Variants in IVD observed in about 807,000 individuals in gnomAD.
IVD encodes the protein isovaleryl-CoA dehydrogenase.
IVD carries 31 observed loss-of-function variants against 51.3 expected under a neutral mutation model. The observed-to-expected ratio is 0.60, with a 90% CI of 0.45 to 0.81. IVD has a LOEUF of 0.81. Ranked by LOEUF, IVD falls within the 40% of genes least tolerant of loss-of-function variation. IVD has a pLI of 0.00. For synonymous variants in IVD, 205 were observed against 219.4 expected, an observed-to-expected ratio of 0.93 and a Z score of 0.58; for missense variants, 475 against 552.0, an observed-to-expected ratio of 0.86 and a Z score of 1.40.
At chr15:40,435,837 C>T (rs12368), downstream of IVD, 124,320 of 450,962 alleles carry the variant, frequency 0.28, 18,951 homozygotes, top group East Asian at 0.76. Flanking sequence ...TTAGCCCCTT[C>T]TTGGAACGTC....
In IVD at chr15:40,418,157, C is replaced by T; in HGVS notation, c.1166C>T (p.Pro389Leu). ...FGGNGYINDF[P>L]MGRFLRDAKL... ...GGCAATGGCTACATCAATGACTTTC[C>T]CATGGGCCGCTTTCTTCGAGATGCC... is the stretch of plus-strand genomic sequence containing the variant. The change falls in exon 12 of 12, where the codon CCC becomes CTC. Residue 389 changes from proline (P) to leucine (L), a missense_variant. Pro to Leu is a moderately conservative substitution (Grantham distance 98, BLOSUM62 -3). Coordinates refer to ENST00000487418, the MANE Select transcript of IVD (RefSeq NM_002225.5). The T allele has an allele frequency of 6.2e-7, 1 of 1,614,190 alleles. No individual in the cohort carries two copies. The highest frequency in any genetic ancestry group is 8.5e-7 in the Non-Finnish European group (1 of 1,180,032).
chr15:40,417,327 G>T (rs900584555), intron 11 of IVD, among the ~76,000 whole-genome samples: 1 of 151,782 alleles, frequency 6.6e-6, no homozygotes, highest in Non-Finnish European at 1.5e-5. Flanking sequence ...GACCAACGTG[G>T]TGAAACCCCA....
At chr15:40,410,607 C>T (rs1312396143) in intron 3 of IVD, 21 bp from the exon 4 acceptor site, 2 of 1,614,022 alleles carry the variant, frequency 1.2e-6, no homozygotes, top group Non-Finnish European at 1.7e-6. Flanking sequence ...TTTCCACTCC[C>T]TTGTACCACA....
At chr15:40,415,351 C>T (rs1891545292) in intron 8 of IVD, 50 bp from the exon 9 acceptor site, 1 of 1,487,954 alleles carries the variant, frequency 6.7e-7, no homozygotes, top group African/African-American at 1.4e-5. Context: ...GCCACCACAC[C>T]CGGTGGTGGG....
chr15:40,435,392 TAA>T (rs1463497361), intron 8 of IVD: 1 of 1,102,964 alleles, frequency 9.1e-7, no homozygotes, highest in African/African-American at 1.7e-5. Flanking sequence ...TGGACAGCGC[TAA>T]AAGAGGGCTC....
chr15:40,415,304 C>A, intron 8 of IVD, 97 bp from the exon 9 acceptor site: 1 of 1,099,500 alleles, frequency 9.1e-7, no homozygotes, highest in East Asian at 2.4e-5. Context: ...TTGCTTTTCT[C>A]CTCCCTGGGA....
chr15:40,417,023 A>T (rs1000020682), intron 11 of IVD, among the ~76,000 whole-genome samples: 2 of 151,828 alleles, frequency 1.3e-5, no homozygotes, highest in Non-Finnish European at 2.9e-5. Flanking sequence ...AACATGGTGA[A>T]ACCCTGTTTC....
At chr15:40,414,601 C>T (rs1891446678) in intron 7 of IVD, 2 of 389,448 alleles carry the variant, frequency 5.1e-6, no homozygotes, top group South Asian at 4.3e-5. Context: ...GACCAATTAA[C>T]TTTTCTTCTT....
At chr15:40,422,845 C>T (rs994326887), downstream of IVD, among the ~76,000 whole-genome samples, 1 of 146,362 alleles carries the variant, frequency 6.8e-6, no homozygotes, top group Non-Finnish European at 1.5e-5. Flanking sequence ...ATTGATCCAC[C>T]GGCCTCAGCC....
intron 8 of IVD, among the ~76,000 whole-genome samples, chr15:40,434,395 T>C (rs1452424108): frequency 1.3e-5 from 2 of 152,048 alleles, no homozygotes; most frequent in African/African-American, 2.4e-5. Flanking sequence ...AGGGGAGAGG[T>C]AGAGGGCTGT....
chr15:40,416,304 G>T lies in IVD; in HGVS notation c.1080G>T (p.Val360=), dbSNP rs754375800. 5.6e-6 allele frequency: 9 copies of T among 1,614,248 alleles called. No homozygotes were observed. The highest frequency in any genetic ancestry group is 7.6e-6 in the Non-Finnish European group (9 of 1,180,042). ...TCCTCCCGTAGGACTGTGCAGGTGT[G>T]ATTCTTTACTCAGCTGAGTGTGCCA... ...GHCTAKDCAG[V]ILYSAECATQ... Residue 360 remains valine (V), a synonymous_variant, in exon 11 of 12, where the codon GTG becomes GTT. Transcript: ENST00000487418.
At chr15:40,427,403 T>C (rs2141418063), downstream of IVD, among the ~76,000 whole-genome samples, 1 of 152,316 alleles carries the variant, frequency 6.6e-6, no homozygotes, top group South Asian at 2.1e-4. Context: ...ACGCAGCTGC[T>C]TGTGGGAGAT....
rs8040294 is a variant in IVD, at chr15:40,418,277, C to T, written c.*14C>T. 3.5e-3 allele frequency: 5,570 copies of T among 1,613,722 alleles called. 181 individuals carry two copies. In the African/African-American group the frequency reaches 0.066, roughly 19 times the overall value. The stretch of plus-strand genomic sequence containing the variant: ...GACTTTCACTAGTCCTGAGACCCTT[C>T]GCCCCCTTTTCCTGCACCTAGTGGC... On this transcript the variant is annotated 3_prime_UTR_variant, in exon 12 of 12. Coordinates refer to ENST00000487418, the MANE Select transcript of IVD (RefSeq NM_002225.5).
intron 1 of IVD, 137 bp from the exon 2 acceptor site, chr15:40,407,499 G>A (rs775815389): frequency 4.0e-5 from 30 of 746,470 alleles, no homozygotes; most frequent in Admixed American, 2.1e-4. Context: ...TCATCTCTGA[G>A]GAGGCATAAA....
chr15:40,406,439 G>A, intron 1 of IVD: 2 of 880,560 alleles, frequency 2.3e-6, no homozygotes, highest in African/African-American at 3.5e-5. Flanking sequence ...GCCACAGTGA[G>A]CTCTCCTGTC....
chr15:40,421,490 G>T (rs988994973), downstream of IVD, among the ~76,000 whole-genome samples: 2 of 152,186 alleles, frequency 1.3e-5, no homozygotes, highest in Admixed American at 1.3e-4. Context: ...AGGGCAGCTC[G>T]CTGCTGTTGA....
At chr15:40,411,109 G>T in intron 4 of IVD, 151 bp from the exon 5 acceptor site, 1 of 844,156 alleles carries the variant, frequency 1.2e-6, no homozygotes, top group Non-Finnish European at 2.0e-6. Flanking sequence ...GTAGCCATTG[G>T]GCTTAGAAGA....
chr15:40,419,455 G>C lies in IVD; in HGVS notation c.*1192G>C, dbSNP rs552425184. On this transcript the variant is annotated 3_prime_UTR_variant, in exon 12 of 12. Coordinates refer to ENST00000487418, the MANE Select transcript of IVD (RefSeq NM_002225.5). ...GAACCCGGGAGGTGGAGGTTGCAAT[G>C]AGCCAATATGACACCGCTGCAGTCC... is the stretch of plus-strand genomic sequence containing the variant. 3.0e-6 allele frequency: 1 copy of C among 338,334 alleles called. No homozygotes were observed. The highest frequency in any genetic ancestry group is 2.2e-5 in the African/African-American group (1 of 46,456). The allele number at this position is 338,334 out of a possible 1,614,324, so 21.0% of individuals were successfully genotyped here.
At chr15:40,417,437 T>G in intron 11 of IVD, among the ~76,000 whole-genome samples, 1 of 142,114 alleles carries the variant, frequency 7.0e-6, no homozygotes, top group African/African-American at 2.7e-5. Context: ...GAACCTTGGA[T>G]GCGGAGGTTG....
Sources: allele counts gnomAD v4.1 joint callset (sites outside exome capture counted in the v4.1 genomes callset), GRCh38; gene constraint gnomAD v4.1.1; transcripts MANE v1.5; gene names NCBI Gene and HGNC (gene_info 2026-07-23, HGNC 2026-07-21).